FLT3: variants seen among roughly 807,000 people sequenced by gnomAD.
The protein encoded by FLT3 is receptor-type tyrosine-protein kinase FLT3.
In FLT3, 46 loss-of-function variants were observed where a neutral mutation model predicts 126.6. That is an observed-to-expected ratio of 0.36 (90% CI 0.29 to 0.46). The LOEUF is 0.46. Ranked by LOEUF, FLT3 falls within the 20% of genes least tolerant of loss-of-function variation. The pLI, the probability that FLT3 is intolerant of heterozygous loss-of-function variation, is 1.00. For synonymous variants in FLT3, 404 were observed against 434.4 expected, an observed-to-expected ratio of 0.93 and a Z score of 0.87; for missense variants, 1,069 against 1,190.3, an observed-to-expected ratio of 0.90 and a Z score of 1.50.
chr13:28,060,240 C>CT (rs1876411822), intron 3 of FLT3, among the ~76,000 whole-genome samples: 1 of 113,068 alleles, frequency 8.8e-6, no homozygotes, highest in Non-Finnish European at 1.8e-5. Flanking sequence ...ACTAAAAATA[C>CT]AAAAAAAAAA....
At chr13:28,095,740 T>C (rs1879410000) in intron 1 of FLT3, among the ~76,000 whole-genome samples, 2 of 152,142 alleles carry the variant, frequency 1.3e-5, no homozygotes, top group Non-Finnish European at 2.9e-5. Flanking sequence ...AAGACTGTAA[T>C]CTTGAACTTG....
At chr13:28,034,472 C>T (rs1051507524) in intron 12 of FLT3, 65 bp from the exon 13 acceptor site, 1 of 1,153,480 alleles carries the variant, frequency 8.7e-7, no homozygotes, top group Admixed American at 1.8e-5. Context: ...AAATAGTGGA[C>T]AACTCATTAT....
intron 19 of FLT3, 144 bp downstream of exon 19, chr13:28,023,206 G>A (rs1382017057): frequency 1.0e-5 from 8 of 797,016 alleles, no homozygotes; most frequent in Non-Finnish European, 1.6e-5. Flanking sequence ...AAGAGCCAAG[G>A]TAACACGCTA....
At chr13:28,035,357 T>C (rs1873736551) in intron 12 of FLT3, 138 bp downstream of exon 12, 3 of 758,090 alleles carry the variant, frequency 4.0e-6, no homozygotes, top group African/African-American at 1.8e-5. Context: ...TGGGGATTCT[T>C]GCCTGACTCA....
At chr13:28,070,194 T>C (rs1877379612) in intron 2 of FLT3, among the ~76,000 whole-genome samples, 1 of 152,244 alleles carries the variant, frequency 6.6e-6, no homozygotes, top group Non-Finnish European at 1.5e-5. Context: ...TGGATTTTGG[T>C]ATTAGTGAGA....
intron 23 of FLT3, among the ~76,000 whole-genome samples, chr13:28,012,936 CAA>C (rs113567190): frequency 3.5e-4 from 49 of 140,572 alleles, no homozygotes; most frequent in African/African-American, 7.1e-4. Flanking sequence ...GACCCTGTCT[CAA>C]AAAAAAAAAA....
intron 22 of FLT3, 140 bp from the exon 23 acceptor site, chr13:28,014,697 C>T (rs1458752619): frequency 8.2e-6 from 5 of 611,904 alleles, no homozygotes; most frequent in Non-Finnish European, 1.4e-5. Context: ...AGTCCTCTAC[C>T]AGATTTTGAA....
intron 18 of FLT3, among the ~76,000 whole-genome samples, 184 bp from the exon 19 acceptor site, chr13:28,023,661 T>G (rs757659586): frequency 6.6e-6 from 1 of 152,220 alleles, no homozygotes; most frequent in Non-Finnish European, 1.5e-5. Flanking sequence ...ACTGGAGACT[T>G]GTTTTGGTTA....
chr13:28,061,844 C>T (rs1204647353), intron 3 of FLT3, 23 bp downstream of exon 3: 1 of 1,581,618 alleles, frequency 6.3e-7, no homozygotes, highest in East Asian at 2.2e-5. Flanking sequence ...CATTTTATGT[C>T]AAGAAGGTAT....
rs573319027 is a variant in FLT3 at position 28,095,761 on chromosome 13, G to A, written c.43+4707C>T. 1.1e-4 allele frequency among the ~76,000 whole-genome samples: 17 copies of A among 152,272 alleles called. No homozygotes were observed. In the South Asian group the frequency reaches 2.9e-3, roughly 26 times the overall value. On this transcript the variant is annotated intron_variant, in intron 1 of 23. Coordinates refer to ENST00000241453, the MANE Select transcript of FLT3 (RefSeq NM_004119.3). ...GTAATCTTGAACTTGAATGATAGGG[G>A]TTAGTTACTGTCACCCTGCTTGCCG... is the stretch of plus-strand genomic sequence containing the variant.
rs779336061 is a variant in FLT3, at chr13:28,015,609, C to T, written c.2634G>A (p.Leu878=). The T allele has an allele frequency of 6.2e-7, 1 of 1,609,290 alleles. No individual in the cohort carries two copies. The highest frequency in any genetic ancestry group is 2.2e-5 in the East Asian group (1 of 44,824). The stretch of plus-strand genomic sequence containing the variant: ...ACTTACCAAGTGAGAAGATTTCCCA[C>T]AGTAATATTCCATATGACCAGACAT... ...KSDVWSYGIL[L]WEIFSLGVNP... The change falls in exon 21 of 24, where the codon CTG becomes CTA. Residue 878 remains leucine (L), a synonymous_variant. Coordinates refer to ENST00000241453, the MANE Select transcript of FLT3 (RefSeq NM_004119.3).
chr13:28,035,285 T>G (rs895367752), intron 12 of FLT3, among the ~76,000 whole-genome samples: 1 of 152,222 alleles, frequency 6.6e-6, no homozygotes, highest in Non-Finnish European at 1.5e-5. Context: ...TCCCGGTCAC[T>G]GTGACACATG....
At chr13:28,031,562 G>A (rs1041242587) in intron 15 of FLT3, among the ~76,000 whole-genome samples, 1 of 152,194 alleles carries the variant, frequency 6.6e-6, no homozygotes, top group Non-Finnish European at 1.5e-5. Context: ...TTCTACGGGG[G>A]AAAGCCTGCA....
intron 18 of FLT3, among the ~76,000 whole-genome samples, chr13:28,024,086 T>G (rs1436897719): frequency 6.6e-6 from 1 of 151,988 alleles, no homozygotes; most frequent in Non-Finnish European, 1.5e-5. Context: ...ATAAACTATA[T>G]TGTGCATTTT....
At chr13:28,027,951 A>C (rs989888235) in intron 16 of FLT3, among the ~76,000 whole-genome samples, 2 of 152,220 alleles carry the variant, frequency 1.3e-5, no homozygotes, top group African/African-American at 2.4e-5. Flanking sequence ...GCAGGTGAGA[A>C]TTATGCAATA....
In FLT3 at chr13:28,018,512, C is replaced by T. The variant is rs2137623279; in HGVS notation, c.2496G>A (p.Leu832=). 1 of 1,614,170 alleles carries T rather than the reference C, an allele frequency of 6.2e-7. No homozygotes were observed. The highest frequency in any genetic ancestry group is 8.5e-7 in the Non-Finnish European group (1 of 1,180,010). Reference sequence around the variant, plus strand: ...TGGAATCACTCATGATATCTCGAGCCAATCCAAAGTCACATATCTTCACCA... The same window carrying T: ...TGGAATCACTCATGATATCTCGAGCTAATCCAAAGTCACATATCTTCACCA... ...GKVVKICDFG[L]ARDIMSDSNY... Residue 832 remains leucine, a synonymous_variant, in exon 20 of 24, where the codon TTG becomes TTA. Coordinates refer to ENST00000241453, the MANE Select transcript of FLT3 (RefSeq NM_004119.3).
At chr13:28,093,607 C>T (rs1472700060) in intron 1 of FLT3, among the ~76,000 whole-genome samples, 1 of 152,106 alleles carries the variant, frequency 6.6e-6, no homozygotes, top group Non-Finnish European at 1.5e-5. Flanking sequence ...TGGAAAACTC[C>T]ATTTGCTGTC....
chr13:28,024,121 TTTTTTTTC>T, intron 18 of FLT3, among the ~76,000 whole-genome samples: 1 of 140,182 alleles, frequency 7.1e-6, no homozygotes, highest in Non-Finnish European at 1.6e-5. Context: ...ACTCCTTCCT[TTTTTTTTC>T]TTTCTTTCTT....
intron 1 of FLT3, among the ~76,000 whole-genome samples, chr13:28,086,298 T>C (rs1878666086): frequency 1.3e-5 from 2 of 152,224 alleles, no homozygotes; most frequent in South Asian, 4.1e-4. Context: ...TATTACATGT[T>C]TACCATAACA....
Sources: gnomAD v4.1 joint callset for allele counts (sites outside exome capture counted in the v4.1 genomes callset) on GRCh38, gnomAD v4.1.1 for gene constraint, MANE v1.5 for transcripts, NCBI Gene and HGNC (gene_info 2026-07-23, HGNC 2026-07-21) for gene names.